WDFY3: variants seen among roughly 807,000 people sequenced by gnomAD.
WDFY3 encodes the protein WD repeat and FYVE domain containing 3.
A neutral mutation model predicts 409.6 loss-of-function variants in WDFY3; 66 were observed. The observed-to-expected ratio is 0.16, with a 90% CI of 0.13 to 0.20. WDFY3 has a LOEUF of 0.20. Among genes scored for constraint, WDFY3 ranks in the 10% least tolerant of loss-of-function variants. The probability of loss-of-function intolerance (pLI) is 1.00; values close to 1 mark genes in which losing one functional copy is unlikely to be tolerated. For synonymous variants in WDFY3, 1,521 were observed against 1,537.1 expected (o/e 0.99, Z 0.25); for missense variants, 3,031 against 4,298.1 (o/e 0.71, Z 8.24).
intron 3 of WDFY3, among the ~76,000 whole-genome samples, chr4:84,875,165 G>A (rs1762604558): frequency 6.6e-6 from 1 of 151,868 alleles, no homozygotes; most frequent in African/African-American, 2.4e-5. Flanking sequence ...CTACTCAGGG[G>A]GCTGAGGCAG....
chr4:84,684,358 C>T (rs1257037536), intron 62 of WDFY3, among the ~76,000 whole-genome samples: 1 of 152,162 alleles, frequency 6.6e-6, no homozygotes, highest in Non-Finnish European at 1.5e-5. Context: ...AAAGGGACCA[C>T]GGATGGAGAC....
chr4:84,860,060 TG>T (rs1419967097), intron 4 of WDFY3, among the ~76,000 whole-genome samples: 1 of 152,236 alleles, frequency 6.6e-6, no homozygotes, highest in Non-Finnish European at 1.5e-5. Flanking sequence ...TTGCACCATT[TG>T]GTGTAATAAA....
At chr4:84,962,006 A>G (rs958068304) in intron 1 of WDFY3, among the ~76,000 whole-genome samples, 2 of 152,216 alleles carry the variant, frequency 1.3e-5, no homozygotes, top group Non-Finnish European at 2.9e-5. Flanking sequence ...CTGTATGCAA[A>G]TGTTTATAGC....
chr4:84,789,907 A>G lies in WDFY3; in HGVS notation c.3488T>C (p.Val1163Ala). 6.2e-7 allele frequency: 1 copy of G among 1,613,898 alleles called. No homozygotes were observed. The highest frequency in any genetic ancestry group is 2.2e-5 in the East Asian group (1 of 44,890). The change falls in exon 22 of 68, where the codon GTT becomes GCT. Residue 1163 changes from valine to alanine, a missense_variant and splice_region_variant. Around this residue, in one of 16 missense-constraint regions of WDFY3, gnomAD observed 1,322 missense variants for 1,697.9 expected, o/e 0.78. Coordinates refer to ENST00000295888, the MANE Select transcript of WDFY3 (RefSeq NM_014991.6). ...TGAGGACTCTTCACTAAAATCATCA[A>G]CTGAAATAAAGGGGGGAAGACATAA... ...STKEELLQNY[V>A]DDFSEESSFY...
chr4:84,862,552 A>T (rs1269174051), intron 3 of WDFY3, among the ~76,000 whole-genome samples: 1 of 152,206 alleles, frequency 6.6e-6, no homozygotes, highest in Non-Finnish European at 1.5e-5. Flanking sequence ...TTTGAAGTGA[A>T]CTATAAAAAT....
rs116410393 is a variant in WDFY3 at position 84,731,651 on chromosome 4, C to T, written c.7221+1731G>A. ...TTTCGATTTCACAGGTTGGTGAATT[C>T]CTTTGCCTAGGTAAAATGCTGATGA... On this transcript the variant is annotated intron_variant, in intron 44 of 67. Transcript: ENST00000295888. Among the ~76,000 whole-genome samples the T allele has an allele frequency of 4.3e-3, 655 of 152,240 alleles. 4 individuals are homozygous for T. The highest frequency in any genetic ancestry group is 0.015 in the African/African-American group (613 of 41,550).
intron 1 of WDFY3, among the ~76,000 whole-genome samples, chr4:84,955,100 G>C (rs1579280446): frequency 6.6e-6 from 1 of 152,132 alleles, no homozygotes; most frequent in East Asian, 1.9e-4. Context: ...CTATTCAGGA[G>C]GCTGTGGCAG....
chr4:84,959,483 T>C (rs1353136068), intron 1 of WDFY3, among the ~76,000 whole-genome samples: 1 of 152,190 alleles, frequency 6.6e-6, no homozygotes, highest in Non-Finnish European at 1.5e-5. Context: ...AATTGTCTTC[T>C]GGCAGGTGGA....
intron 58 of WDFY3, among the ~76,000 whole-genome samples, chr4:84,695,153 G>A (rs565360307): frequency 4.3e-4 from 66 of 152,122 alleles, no homozygotes; most frequent in Non-Finnish European, 9.0e-4. Context: ...GCCATACCTC[G>A]GACAATGGGG....
chr4:84,691,025 A>G (rs1729175443), intron 60 of WDFY3, among the ~76,000 whole-genome samples: 1 of 152,206 alleles, frequency 6.6e-6, no homozygotes, highest in Admixed American at 6.5e-5. Flanking sequence ...AGAGAGCACG[A>G]CTGCTGCTAA....
Position 84,738,908 on chromosome 4 carries a change from C to T in WDFY3, c.6574+102G>A, listed in dbSNP as rs561109130. On this transcript the variant is annotated intron_variant, in intron 40 of 67. Coordinates refer to ENST00000295888, the MANE Select transcript of WDFY3 (RefSeq NM_014991.6). Reference sequence around the variant, plus strand: ...ATAGGTTGCCCTACTGGGAGAGTTGCTATCAATGCTGGCAGTTTCTGAAGC... The same window carrying T: ...ATAGGTTGCCCTACTGGGAGAGTTGTTATCAATGCTGGCAGTTTCTGAAGC... 4 of 1,161,640 alleles carry T rather than the reference C, an allele frequency of 3.4e-6. No homozygotes were observed. In the African/African-American group the frequency reaches 4.5e-5, roughly 13 times the overall value. The allele number at this position is 1,161,640 out of a possible 1,614,324, so 72.0% of individuals were successfully genotyped here.
At chr4:84,936,066 T>C (rs1468125710) in intron 1 of WDFY3, among the ~76,000 whole-genome samples, 1 of 152,186 alleles carries the variant, frequency 6.6e-6, no homozygotes, top group East Asian at 1.9e-4. Flanking sequence ...CACATATGTA[T>C]AAAAACTAAA....
intron 19 of WDFY3, 100 bp downstream of exon 19, chr4:84,796,421 A>G: frequency 1.5e-6 from 1 of 680,788 alleles, no homozygotes; most frequent in East Asian, 3.3e-5. Context: ...AGTATGGTAA[A>G]ATATATTTTA....
At chr4:84,898,837 T>C (rs1765974557) in intron 2 of WDFY3, among the ~76,000 whole-genome samples, 1 of 152,202 alleles carries the variant, frequency 6.6e-6, no homozygotes, top group Non-Finnish European at 1.5e-5. Context: ...ATGCTGTTCC[T>C]AAGAAGAATT....
intron 30 of WDFY3, 84 bp downstream of exon 30, chr4:84,772,751 A>G (rs1744885797): frequency 3.8e-6 from 4 of 1,039,966 alleles, no homozygotes; most frequent in Non-Finnish European, 5.7e-6. Context: ...AATCACATGT[A>G]ATTCAGGTCT....
chr4:84,707,535 T>A (rs531531560), intron 53 of WDFY3, among the ~76,000 whole-genome samples: 32 of 152,250 alleles, frequency 2.1e-4, no homozygotes, highest in African/African-American at 7.5e-4. Flanking sequence ...AGGTCAGAAT[T>A]GCATCGGGAG....
In WDFY3 at chr4:84,901,831, A is replaced by C. The variant is rs1158511638; in HGVS notation, c.-131-4821T>G. 3.9e-5 allele frequency among the ~76,000 whole-genome samples: 6 copies of C among 152,188 alleles called. No individual in the cohort carries two copies. The East Asian group carries it at 1.2e-3, about 29-fold the overall frequency. The stretch of plus-strand genomic sequence containing the variant: ...TCCATTCACAACGGAACATTAAATC[A>C]ATAACCCATCTCAGTATTTCCCTGT... On this transcript the variant is annotated intron_variant, in intron 2 of 67. Coordinates refer to ENST00000295888, the MANE Select transcript of WDFY3 (RefSeq NM_014991.6).
At chr4:84,678,595 C>A (rs1560512168) in intron 65 of WDFY3, among the ~76,000 whole-genome samples, 2 of 152,186 alleles carry the variant, frequency 1.3e-5, no homozygotes, top group African/African-American at 4.8e-5. Context: ...AAGTTACCTG[C>A]AAATGCAGTT....
Position 84,952,084 on chromosome 4 carries a change from T to G in WDFY3, c.-226+14125A>C, listed in dbSNP as rs142241730. Among the ~76,000 whole-genome samples, 871 of 152,272 alleles carry G rather than the reference T, an allele frequency of 5.7e-3. 10 individuals carry two copies. The highest frequency in any genetic ancestry group is 0.044 in the South Asian group (212 of 4,820). On this transcript the variant is annotated intron_variant, in intron 1 of 67. Coordinates refer to ENST00000295888, the MANE Select transcript of WDFY3 (RefSeq NM_014991.6). ...TCAGAAAAGCAATGCAGTACAACTT[T>G]TCCCTGCCCTGCTCCAACCACACAA...
Sources: gnomAD v4.1 joint callset for allele counts (sites outside exome capture counted in the v4.1 genomes callset) on GRCh38, gnomAD v4.1.1 for gene constraint, gnomAD v4.1.1 regional missense constraint, MANE v1.5 for transcripts, NCBI Gene and HGNC (gene_info 2026-07-23, HGNC 2026-07-21) for gene names.